The following ERCC6 variants were observed in gnomAD, a reference collection of about 807,000 sequenced individuals.
The protein encoded by ERCC6 is DNA excision repair protein ERCC-6.
ERCC6 carries 116 observed loss-of-function variants against 158.7 expected under a neutral mutation model. The ratio of observed to expected loss-of-function variants is 0.73; its 90% CI spans 0.63 to 0.85. The LOEUF (loss-of-function observed/expected upper bound fraction) is 0.85. Ranked by LOEUF, ERCC6 falls within the 40% of genes least tolerant of loss-of-function variation. The pLI, the probability that ERCC6 is intolerant of heterozygous loss-of-function variation, is 0.00. For missense variants in ERCC6, 1,698 were observed against 1,799.4 expected (o/e 0.94, Z 1.02); for synonymous variants, 678 against 659.3 (o/e 1.03, Z -0.43).
Position 49,516,919 on chromosome 10 carries a change from G to A in ERCC6, c.1397+7114C>T, listed in dbSNP as rs754709379. The A allele has an allele frequency of 2.4e-5, 38 of 1,613,944 alleles. No individual in the cohort carries two copies. In the Admixed American group the frequency reaches 4.2e-4, roughly 18 times the overall value. Reference sequence around the variant, plus strand: ...TCAGACTCAGCATCAGAGCCATCTTGAATAAGATACGCAGCTGTGTGCAAC... The same window carrying A: ...TCAGACTCAGCATCAGAGCCATCTTAAATAAGATACGCAGCTGTGTGCAAC... On this transcript the variant is annotated intron_variant, in intron 5 of 20. Transcript: ENST00000355832.
At chr10:49,492,250 C>G (rs946843814) in intron 8 of ERCC6, among the ~76,000 whole-genome samples, 1 of 152,176 alleles carries the variant, frequency 6.6e-6, no homozygotes, top group Admixed American at 6.5e-5. Flanking sequence ...GAGGCAAACA[C>G]TCCATAGCCC....
At chr10:49,505,797 C>G (rs1426082516) in intron 6 of ERCC6, 87 bp downstream of exon 6, 6 of 1,523,778 alleles carry the variant, frequency 3.9e-6, no homozygotes, top group Non-Finnish European at 5.4e-6. Context: ...TCAGGGCCCA[C>G]AGGTAACTAC....
chr10:49,476,141 G>C, intron 12 of ERCC6, 74 bp downstream of exon 12: 1 of 1,039,142 alleles, frequency 9.6e-7, no homozygotes. Context: ...GCACAATGTA[G>C]ATCCTAGTTT....
rs763486269 is a variant in ERCC6 at position 49,493,174 on chromosome 10, C to A, written c.1764G>T (p.Trp588Cys). 1 of 1,614,080 alleles carries A rather than the reference C, an allele frequency of 6.2e-7. No homozygotes were observed. Among genetic ancestry groups the A allele is most frequent in the African/African-American group, 1.3e-5 (1 of 75,020 alleles). ...MHQWVKEFHT[W>C]WPPFRVAILH... ...GAATTGCCACTCTGAACGGAGGCCA[C>A]CACGTGTGAAATTCCTTCACCCACT... Residue 588 changes from tryptophan (W) to cysteine (C), a missense_variant, in exon 8 of 21, where the codon TGG (tryptophan) becomes TGT (cysteine). Physicochemically the swap from Trp to Cys is radical, Grantham distance 215. Coordinates refer to ENST00000355832, the MANE Select transcript of ERCC6 (RefSeq NM_000124.4).
At chr10:49,472,641 A>T in intron 15 of ERCC6, 171 bp from the exon 16 acceptor site, 1 of 752,060 alleles carries the variant, frequency 1.3e-6, no homozygotes, top group Non-Finnish European at 2.2e-6. Context: ...CCAGTTGAAA[A>T]GACATCTCTA....
At chr10:49,472,303 C>T in intron 16 of ERCC6, 73 bp downstream of exon 16, 1 of 1,328,588 alleles carries the variant, frequency 7.5e-7, no homozygotes, top group South Asian at 1.2e-5. Context: ...CTTTTAAAAA[C>T]AACACTTTGG....
chr10:49,536,985 G>A (rs1837612848), intron 1 of ERCC6, among the ~76,000 whole-genome samples: 1 of 152,224 alleles, frequency 6.6e-6, no homozygotes, highest in African/African-American at 2.4e-5. Context: ...AGAAAACCAA[G>A]TCTTCTGGAA....
intron 3 of ERCC6, among the ~76,000 whole-genome samples, chr10:49,529,461 G>T (rs965701493): frequency 6.6e-6 from 1 of 152,142 alleles, no homozygotes; most frequent in Non-Finnish European, 1.5e-5. Context: ...CAGCCCACTA[G>T]AAGCCCAAGA....
chr10:49,524,902 A>G, intron 4 of ERCC6, 125 bp from the exon 5 acceptor site: 1 of 1,532,536 alleles, frequency 6.5e-7, no homozygotes, highest in Non-Finnish European at 8.7e-7. Flanking sequence ...AGAATCATCC[A>G]TGTACTAAAG....
At chr10:49,451,999 T>C (rs1850426088), downstream of ERCC6, among the ~76,000 whole-genome samples, 1 of 152,150 alleles carries the variant, frequency 6.6e-6, no homozygotes, top group African/African-American at 2.4e-5. Context: ...AATTTGAGTA[T>C]TGCCTTTTTA....
chr10:49,450,843 G>A (rs530476739), downstream of ERCC6, among the ~76,000 whole-genome samples: 45 of 150,380 alleles, frequency 3.0e-4, no homozygotes, highest in African/African-American at 6.6e-4. Flanking sequence ...ATGGAGTCTC[G>A]CTTTGTCACC....
chr10:49,483,658 T>C, intron 8 of ERCC6, 142 bp from the exon 9 acceptor site: 1 of 859,710 alleles, frequency 1.2e-6, no homozygotes, highest in East Asian at 2.7e-5. Flanking sequence ...GCACTGGAAG[T>C]GTACTTGTTA....
At chr10:49,513,927 G>A (rs1156448433) in intron 5 of ERCC6, among the ~76,000 whole-genome samples, 1 of 151,888 alleles carries the variant, frequency 6.6e-6, no homozygotes, top group Admixed American at 6.6e-5. Flanking sequence ...ATGAGTTAAG[G>A]GAAAAGATTC....
rs567545618 is a variant in ERCC6, at chr10:49,533,074, TC to T, written c.-14-97del. 2,943 of 1,402,342 alleles carry T rather than the reference TC, an allele frequency of 2.1e-3. 14 individuals are homozygous for T. Among genetic ancestry groups the T allele is most frequent in the South Asian group, 0.011 (844 of 74,164 alleles). 86.9% of individuals were successfully genotyped at this position (1,402,342 alleles called of 1,614,324 possible). A position where few individuals can be genotyped will look rare whatever the true frequency, so the allele number is the denominator to read the frequency against. On this transcript the variant is annotated intron_variant, in intron 1 of 20. Transcript: ENST00000355832. ...TAGAGCAGACTGATTTCTCAAAAGA[TC>T]AAGTAATAATCTTCCAACTACATAA...
intron 7 of ERCC6, 30 bp downstream of exon 7, chr10:49,500,508 C>T: frequency 6.2e-7 from 1 of 1,611,708 alleles, no homozygotes; most frequent in Non-Finnish European, 8.5e-7. Context: ...TTGAGCTCCA[C>T]AGACTGACAG....
chr10:49,514,813 G>A (rs1465264948), intron 5 of ERCC6, among the ~76,000 whole-genome samples: 1 of 152,176 alleles, frequency 6.6e-6, no homozygotes, highest in Non-Finnish European at 1.5e-5. Flanking sequence ...TTCTATTTCA[G>A]ACAGCTAAGA....
intron 5 of ERCC6, among the ~76,000 whole-genome samples, chr10:49,522,215 C>G (rs1564441012): frequency 6.6e-6 from 1 of 152,180 alleles, no homozygotes; most frequent in Admixed American, 6.5e-5. Context: ...AAGGGAATAG[C>G]ATTACCATTT....
chr10:49,505,567 C>T (rs960153561), intron 6 of ERCC6: 9 of 236,856 alleles, frequency 3.8e-5, no homozygotes, highest in Admixed American at 1.0e-4. Flanking sequence ...AGGAGTTTGG[C>T]ACCTTAAAAT....
rs1033186035 is a variant in ERCC6 at position 49,500,871 on chromosome 10, T to C, written c.1527-175A>G. The stretch of plus-strand genomic sequence containing the variant: ...TATTTATAAGGTCATACATTTTTGA[T>C]CACCTAGGCATAAAAATCACAAATT... On this transcript the variant is annotated intron_variant, in intron 6 of 20. Coordinates refer to ENST00000355832, the MANE Select transcript of ERCC6 (RefSeq NM_000124.4). 3.3e-5 allele frequency: 22 copies of C among 669,852 alleles called. No individual in the cohort carries two copies. In the East Asian group the frequency reaches 5.8e-4, roughly 18 times the overall value. The allele number at this position is 669,852 out of a possible 1,614,324, so 41.5% of individuals were successfully genotyped here. A position where few individuals can be genotyped will look rare whatever the true frequency, so the allele number is the denominator to read the frequency against.
Sources: allele counts gnomAD v4.1 joint callset (sites outside exome capture counted in the v4.1 genomes callset), GRCh38; gene constraint gnomAD v4.1.1; transcripts MANE v1.5; gene names NCBI Gene and HGNC (gene_info 2026-07-23, HGNC 2026-07-21).